The following ANKS3 variants were observed in gnomAD, a reference collection of about 807,000 sequenced individuals.
The protein encoded by ANKS3 is ankyrin repeat and sterile alpha motif domain containing 3.
Under a neutral mutation model 80.7 loss-of-function variants are expected in ANKS3, and 62 were observed. That is an observed-to-expected ratio of 0.77 (90% CI 0.63 to 0.95). ANKS3 has a LOEUF of 0.95. ANKS3 is among the 40% of genes least tolerant of loss of function. ANKS3 has a pLI of 0.00. For missense variants in ANKS3, 1,150 were observed against 883.6 expected (o/e 1.30, Z -3.82); for synonymous variants, 489 against 355.3 (o/e 1.38, Z -4.23).
At chr16:4,723,582 C>T (rs1019152846) in intron 6 of ANKS3, among the ~76,000 whole-genome samples, 4 of 152,162 alleles carry the variant, frequency 2.6e-5, no homozygotes, top group African/African-American at 7.2e-5. Context: ...GCCACCGCAC[C>T]CAGCCCAGCC....
chr16:4,717,042 G>A (rs1045942954), intron 6 of ANKS3, among the ~76,000 whole-genome samples: 1 of 151,958 alleles, frequency 6.6e-6, no homozygotes, highest in Non-Finnish European at 1.5e-5. Flanking sequence ...GACCAGCCTG[G>A]CCAATGTGGG....
intron 11 of ANKS3, 186 bp downstream of exon 11, chr16:4,700,784 G>T: frequency 1.2e-6 from 1 of 826,034 alleles, no homozygotes; most frequent in Non-Finnish European, 2.1e-6. Flanking sequence ...CAGAGTAGAA[G>T]CGCTGCAGCG....
intron 2 of ANKS3, 59 bp from the exon 3 acceptor site, chr16:4,730,210 C>T (rs2081548593): frequency 7.1e-7 from 1 of 1,411,354 alleles, no homozygotes; most frequent in Non-Finnish European, 9.3e-7. Context: ...GGGCATGAAA[C>T]AGGCTGGTCC....
At chr16:4,706,458 A>ATC (rs1022587153) in intron 7 of ANKS3, among the ~76,000 whole-genome samples, 3 of 152,104 alleles carry the variant, frequency 2.0e-5, no homozygotes, top group African/African-American at 7.2e-5. Context: ...GCTGGTCTCG[A>ATC]TCTCCTGACC....
chr16:4,705,275 A>C, intron 7 of ANKS3, 22 bp from the exon 8 acceptor site: 1 of 1,612,648 alleles, frequency 6.2e-7, no homozygotes, highest in Non-Finnish European at 8.5e-7. Flanking sequence ...CACCAAGATT[A>C]AGATAGTGTG....
rs186364996 is a variant in ANKS3, at chr16:4,699,556, G to A, written c.1285-380C>T. 121 of 242,372 alleles carry A rather than the reference G, an allele frequency of 5.0e-4. 1 individual carries two copies. The highest frequency in any genetic ancestry group is 1.0e-3 in the Admixed American group (21 of 20,926). The allele number at this position is 242,372 out of a possible 1,614,324, so 15.0% of individuals were successfully genotyped here. On this transcript the variant is annotated intron_variant, in intron 11 of 17. Coordinates refer to ENST00000304283, the MANE Select transcript of ANKS3 (RefSeq NM_133450.4). ...TGTTCTGATTTCCACTTGTCTAAGCGCAGCTCTTCTCCGAGTTCACCTGTC... is the reference window on the plus strand; with the variant it reads ...TGTTCTGATTTCCACTTGTCTAAGCACAGCTCTTCTCCGAGTTCACCTGTC...
chr16:4,702,106 A>ACTG lies in ANKS3; in HGVS notation c.1002_1004dup (p.Ser335dup), dbSNP rs573376043. 70 of 1,542,504 alleles carry ACTG rather than the reference A, an allele frequency of 4.5e-5. No homozygotes were observed. Among genetic ancestry groups the ACTG allele is most frequent in the Admixed American group, 1.9e-4 (11 of 56,638 alleles). ...GATGGGTGGGGGTGCACGTACCCCG[A>ACTG]CTGCTGCTGCTGCTGCTGCTCTCCA... On this transcript the variant is annotated inframe_insertion, in exon 9 of 18. Coordinates refer to ENST00000304283, the MANE Select transcript of ANKS3 (RefSeq NM_133450.4).
intron 3 of ANKS3, chr16:4,727,451 G>A: frequency 1.9e-6 from 1 of 528,320 alleles, no homozygotes; most frequent in Non-Finnish European, 3.4e-6. Flanking sequence ...CACCAGATAG[G>A]CAGATGGCAC....
At chr16:4,720,252 A>G (rs771094358) in intron 6 of ANKS3, among the ~76,000 whole-genome samples, 11 of 149,788 alleles carry the variant, frequency 7.3e-5, no homozygotes, top group Non-Finnish European at 1.3e-4. Context: ...TCACAAGGTC[A>G]AGAGATTGAG....
chr16:4,698,844 G>T lies in ANKS3; in HGVS notation c.1507C>A (p.Arg503=), dbSNP rs140935515. The T allele has an allele frequency of 1.2e-6, 2 of 1,607,110 alleles. No individual in the cohort carries two copies. The highest frequency in any genetic ancestry group is 1.7e-6 in the Non-Finnish European group (2 of 1,176,602). ...GDALELAYAD[R]LEAEMQELAI... ...AGCTCCTGCATCTCAGCCTCCAGCCGGTCGGCGTAGGCCAGCTCCAGGGCA... is the reference window on the plus strand; with the variant it reads ...AGCTCCTGCATCTCAGCCTCCAGCCTGTCGGCGTAGGCCAGCTCCAGGGCA... The change falls in exon 13 of 18, where the codon CGG becomes AGG. Residue 503 remains arginine, a synonymous_variant. Coordinates refer to ENST00000304283, the MANE Select transcript of ANKS3 (RefSeq NM_133450.4).
intron 5 of ANKS3, among the ~76,000 whole-genome samples, chr16:4,725,666 T>C (rs1351558735): frequency 2.6e-5 from 4 of 152,132 alleles, no homozygotes; most frequent in Non-Finnish European, 5.9e-5. Flanking sequence ...TGGTTTTTTG[T>C]TTGTTTTTGA....
At chr16:4,702,054 T>G (rs758679140) in intron 9 of ANKS3, 48 bp downstream of exon 9, 1 of 1,529,304 alleles carries the variant, frequency 6.5e-7, no homozygotes, top group Admixed American at 1.9e-5. Flanking sequence ...ACACAGGAGC[T>G]CCAGGACCTG....
rs1401248545 is a variant in ANKS3 at position 4,698,908 on chromosome 16, G to T, written c.1443C>A (p.Ala481=). 1 of 1,599,136 alleles carries T rather than the reference G, an allele frequency of 6.3e-7. No individual in the cohort carries two copies. Among genetic ancestry groups the T allele is most frequent in the African/African-American group, 1.3e-5 (1 of 74,762 alleles). The change falls in exon 13 of 18, where the codon GCC becomes GCA. Residue 481 remains alanine (A), a synonymous_variant. Transcript: ENST00000304283. ...GGGCACTGCTGTGCCAGCGGGCAAT[G>T]GCGGACGTCATCTTCCTCTTGGGCC... ...LFGPKRKMTS[A]IARWHSSARP...
Position 4,724,912 on chromosome 16 carries a change from G to A in ANKS3, c.492-81C>T, listed in dbSNP as rs1400445163. 4.7e-6 allele frequency: 6 copies of A among 1,280,372 alleles called. No individual in the cohort carries two copies. In the South Asian group the frequency reaches 5.0e-5, roughly 11 times the overall value. 79.3% of individuals were successfully genotyped at this position (1,280,372 alleles called of 1,614,324 possible). On this transcript the variant is annotated intron_variant, in intron 5 of 17. Coordinates refer to ENST00000304283, the MANE Select transcript of ANKS3 (RefSeq NM_133450.4). ...AAACTCCCTGCTGAAGATAAACCCT[G>A]AGCAGTGCACGAGTCACCGATCCCT...
At position 4,733,232 on chromosome 16, in the gene ANKS3, G is replaced by A. The variant is rs561614575; in HGVS notation, c.-71+706C>T. On this transcript the variant is annotated intron_variant, in intron 1 of 17. Transcript: ENST00000304283. ...AAAAAAAAAAAAAAAAAAAGATCTA[G>A]TATTTGACCGCACAACAGGGTGACT... Among the ~76,000 whole-genome samples the A allele has an allele frequency of 3.9e-3, 537 of 137,272 alleles. 4 individuals carry two copies. The highest frequency in any genetic ancestry group is 7.8e-3 in the Middle Eastern group (2 of 258). The allele number at this position is 137,272 out of a possible 152,430, so 90.1% of individuals were successfully genotyped here. A position where few individuals can be genotyped will look rare whatever the true frequency, so the allele number is the denominator to read the frequency against.
Position 4,698,101 on chromosome 16 carries a change from C to T in ANKS3, c.1725-39G>A, listed in dbSNP as rs567766895. 16 of 1,556,556 alleles carry T rather than the reference C, an allele frequency of 1.0e-5. No individual in the cohort carries two copies. The East Asian group carries it at 3.1e-4, about 30-fold the overall frequency. On this transcript the variant is annotated intron_variant, in intron 14 of 17. Transcript: ENST00000304283. ...AAACAAATATTGGTGAGAGCAGAGG[C>T]CTGGCCGCTGCAGAGCCCCCACCTC... is the stretch of plus-strand genomic sequence containing the variant.
At chr16:4,730,343 C>T (rs1221404704) in intron 2 of ANKS3, 192 bp from the exon 3 acceptor site, 1 of 439,032 alleles carries the variant, frequency 2.3e-6, no homozygotes, top group Admixed American at 4.4e-5. Flanking sequence ...CATGCTAAAT[C>T]TGGTGAGCCT....
At position 4,698,422 on chromosome 16, in the gene ANKS3, C is replaced by T; in HGVS notation, c.1724+5G>A. ...CCCAGCCCAGGGCAGCTCAGAGCCA[C>T]TCACCGCAGCTGGTCCAGGACGAGG... On this transcript the variant is annotated splice_donor_5th_base_variant and intron_variant, in intron 14 of 17. Transcript: ENST00000304283. 6.6e-7 allele frequency: 1 copy of T among 1,509,102 alleles called. No homozygotes were observed. Among genetic ancestry groups the T allele is most frequent in the Non-Finnish European group, 8.8e-7 (1 of 1,133,868 alleles). The allele number at this position is 1,509,102 out of a possible 1,614,324, so 93.5% of individuals were successfully genotyped here. A position where few individuals can be genotyped will look rare whatever the true frequency, so the allele number is the denominator to read the frequency against.
Position 4,730,055 on chromosome 16 carries a change from TCCTCCCCGCTGACCTGTGTC to T in ANKS3, c.75_94del (p.Thr26AlafsTer17). Reference sequence around the variant, plus strand: ...GTGAAGATCCAGGGGGACATCCAGCTCCTCCCCGCTGACCTGTGTCCCGAGCCCGTGCCACATGGACAAGC... The same window carrying T: ...GTGAAGATCCAGGGGGACATCCAGCTCCGAGCCCGTGCCACATGGACAAGC... On this transcript the variant is annotated frameshift_variant, in exon 3 of 18. Coordinates refer to ENST00000304283, the MANE Select transcript of ANKS3 (RefSeq NM_133450.4). LOFTEE classifies it high-confidence loss of function. 1 of 1,589,034 alleles carries T rather than the reference TCCTCCCCGCTGACCTGTGTC, an allele frequency of 6.3e-7. No individual in the cohort carries two copies. Among genetic ancestry groups the T allele is most frequent in the South Asian group, 1.1e-5 (1 of 88,184 alleles).
Sources: allele counts gnomAD v4.1 joint callset (sites outside exome capture counted in the v4.1 genomes callset), GRCh38; gene constraint gnomAD v4.1.1; transcripts MANE v1.5; gene names NCBI Gene and HGNC (gene_info 2026-07-23, HGNC 2026-07-21).